Variants in FANCC observed in about 807,000 individuals in gnomAD.
FANCC encodes Fanconi anemia group C protein.
Under a neutral mutation model 71.3 loss-of-function variants are expected in FANCC, and 55 were observed. The observed-to-expected ratio is 0.77, with a 90% CI of 0.62 to 0.97. FANCC has a LOEUF of 0.97. Among genes scored for constraint, FANCC ranks in the 50% least tolerant of loss-of-function variants. FANCC has a pLI of 0.00. For synonymous variants in FANCC, 275 were observed against 244.9 expected (o/e 1.12, Z -1.15); for missense variants, 678 against 670.9 (o/e 1.01, Z -0.12).
intron 6 of FANCC, among the ~76,000 whole-genome samples, chr9:95,150,325 T>A (rs1242625140): frequency 1.3e-5 from 2 of 152,218 alleles, no homozygotes; most frequent in African/African-American, 4.8e-5. Context: ...TTCTTTATAT[T>A]CACAGGCACT....
At chr9:95,262,773 T>C (rs1832133387) in intron 1 of FANCC, among the ~76,000 whole-genome samples, 1 of 152,186 alleles carries the variant, frequency 6.6e-6, no homozygotes, top group African/African-American at 2.4e-5. Flanking sequence ...CACTGGAATA[T>C]CATTCAGCCT....
In FANCC at chr9:95,236,452, G is replaced by T. The variant is rs570130640; in HGVS notation, c.345+4197C>A. Among the ~76,000 whole-genome samples, 7 of 152,338 alleles carry T rather than the reference G, an allele frequency of 4.6e-5. No homozygotes were observed. The South Asian group carries it at 1.4e-3, about 32-fold the overall frequency. On this transcript the variant is annotated intron_variant, in intron 4 of 14. Transcript: ENST00000289081. ...AGTCCCGGAACTTCGTCTCTGAACTGTAAGAAGAGCTGTTGAGGTGGTGCT... is the reference window on the plus strand; with the variant it reads ...AGTCCCGGAACTTCGTCTCTGAACTTTAAGAAGAGCTGTTGAGGTGGTGCT...
At chr9:95,294,114 T>A in intron 1 of FANCC, 2 of 1,610,228 alleles carry the variant, frequency 1.2e-6, no homozygotes, top group Non-Finnish European at 1.7e-6. Context: ...ATTTATTAAG[T>A]GATTTGGAAA....
Position 95,309,981 on chromosome 9 carries a change from G to C in FANCC, c.-79+7545C>G, listed in dbSNP as rs532539123. 1.4e-4 allele frequency among the ~76,000 whole-genome samples: 22 copies of C among 152,322 alleles called. 1 individual carries two copies. In the East Asian group the frequency reaches 2.7e-3, roughly 19 times the overall value. ...TAGAACAATCACAATGTCCTACCTA[G>C]CTGCAAGTGAACTGGGAAATGTGAG... On this transcript the variant is annotated intron_variant, in intron 1 of 14. Transcript: ENST00000289081.
At position 95,149,788 on chromosome 9, in the gene FANCC, A is replaced by C. The variant is rs530439883; in HGVS notation, c.686+135T>G. On this transcript the variant is annotated intron_variant, in intron 7 of 14. Coordinates refer to ENST00000289081, the MANE Select transcript of FANCC (RefSeq NM_000136.3). ...GCCACCACACCTGGCCGGGATACTC[A>C]GTAATTTTTAAGAGTATAAAGGGTA... 2.4e-3 allele frequency: 2,498 copies of C among 1,030,744 alleles called. 12 individuals are homozygous for C. The highest frequency in any genetic ancestry group is 1.7e-3 in the Non-Finnish European group (1,184 of 679,984). The allele number at this position is 1,030,744 out of a possible 1,614,324, so 63.8% of individuals were successfully genotyped here. A position where few individuals can be genotyped will look rare whatever the true frequency, so the allele number is the denominator to read the frequency against.
intron 2 of FANCC, 126 bp downstream of exon 2, chr9:95,249,001 T>C: frequency 1.1e-6 from 1 of 921,306 alleles, no homozygotes; most frequent in Non-Finnish European, 1.7e-6. Context: ...GTAATTTGTC[T>C]TCCTAATCCA....
intron 4 of FANCC, among the ~76,000 whole-genome samples, chr9:95,182,874 T>C (rs1396639423): frequency 2.0e-5 from 3 of 152,000 alleles, no homozygotes; most frequent in African/African-American, 7.3e-5. Flanking sequence ...GCATGTGTGA[T>C]GTCGCTGGGA....
chr9:95,195,248 T>C (rs1445622606), intron 4 of FANCC, among the ~76,000 whole-genome samples: 1 of 139,014 alleles, frequency 7.2e-6, no homozygotes, highest in African/African-American at 2.9e-5. Context: ...CCAGAGCCTT[T>C]TTTTTTTTTT....
At chr9:95,256,693 A>G (rs1831678428) in intron 1 of FANCC, among the ~76,000 whole-genome samples, 1 of 152,186 alleles carries the variant, frequency 6.6e-6, no homozygotes, top group East Asian at 1.9e-4. Flanking sequence ...AAAAATATTA[A>G]CCGTAAATGT....
At chr9:95,293,377 T>C in intron 1 of FANCC, 16 of 1,589,322 alleles carry the variant, frequency 1.0e-5, no homozygotes, top group Middle Eastern at 1.9e-4. Context: ...TGCCTGCCCT[T>C]GTCAGTAGGA....
At chr9:95,211,614 C>G (rs1325578909) in intron 4 of FANCC, among the ~76,000 whole-genome samples, 1 of 152,108 alleles carries the variant, frequency 6.6e-6, no homozygotes, top group African/African-American at 2.4e-5. Flanking sequence ...TAAAACAACA[C>G]TCTCTCTAAA....
chr9:95,115,439 G>T lies in FANCC; in HGVS notation c.1073-729C>A, dbSNP rs1588063750. ...GCCAATAAGGAATTAGGAATAGACT[G>T]CCTGACTGCTTTCCTAGGGCTGTGA... is the stretch of plus-strand genomic sequence containing the variant. On this transcript the variant is annotated intron_variant, in intron 11 of 14. Transcript: ENST00000289081. Among the ~76,000 whole-genome samples, 3 of 152,180 alleles carry T rather than the reference G, an allele frequency of 2.0e-5. No individual in the cohort carries two copies. The South Asian group carries it at 6.2e-4, about 32-fold the overall frequency.
At position 95,292,747 on chromosome 9, in the gene FANCC, GC is replaced by G. The variant is rs1352374723; in HGVS notation, c.-79+24778del. On this transcript the variant is annotated intron_variant, in intron 1 of 14. Transcript: ENST00000289081. ...TTCTACTGTTGTCCAATCGAAGGCT[GC>G]CCCAGAGGCCCTGACAGACCATTTT... 6 of 1,377,756 alleles carry G rather than the reference GC, an allele frequency of 4.4e-6. No individual in the cohort carries two copies. The African/African-American group carries it at 7.1e-5, about 16-fold the overall frequency. The allele number at this position is 1,377,756 out of a possible 1,614,324, so 85.3% of individuals were successfully genotyped here. A position where few individuals can be genotyped will look rare whatever the true frequency, so the allele number is the denominator to read the frequency against.
chr9:95,158,509 C>T (rs1013777476), intron 6 of FANCC, among the ~76,000 whole-genome samples: 2 of 152,096 alleles, frequency 1.3e-5, no homozygotes, highest in African/African-American at 4.8e-5. Context: ...TAATAGATCA[C>T]TATGGGTAGC....
In FANCC at chr9:95,111,630, C is replaced by A. The variant is rs371897078; in HGVS notation, c.1162G>T (p.Gly388Ter). The change falls in exon 13 of 15, where the codon GGA becomes TGA. Residue 388 changes from glycine to a stop codon, truncating the protein, a stop_gained. Coordinates refer to ENST00000289081, the MANE Select transcript of FANCC (RefSeq NM_000136.3). LOFTEE classifies it high-confidence loss of function. Reference sequence around the variant, plus strand: ...AGGAACCAGCTCTCAAAGGGACCTCCGCAGGACCTGGAACAGAGGCAGAAC... The same window carrying A: ...AGGAACCAGCTCTCAAAGGGACCTCAGCAGGACCTGGAACAGAGGCAGAAC... The part of the protein sequence containing the change: ...AVEDQTHGSC[G>*]GPFESWFLFI... The A allele has an allele frequency of 2.4e-5, 39 of 1,614,018 alleles. No individual in the cohort carries two copies. Among genetic ancestry groups the A allele is most frequent in the Non-Finnish European group, 3.1e-5 (36 of 1,180,054 alleles).
chr9:95,276,410 T>C (rs972600266), intron 1 of FANCC, among the ~76,000 whole-genome samples: 3 of 152,238 alleles, frequency 2.0e-5, no homozygotes, highest in Non-Finnish European at 1.5e-5. Flanking sequence ...AATCCTTTTC[T>C]GGTCACAGGG....
intron 1 of FANCC, among the ~76,000 whole-genome samples, chr9:95,311,547 TTTTA>T (rs142618046): frequency 0.01 from 1,573 of 152,252 alleles, 28 homozygotes; most frequent in African/African-American, 0.037. Flanking sequence ...AGTCATAGCC[TTTTA>T]TTTATTTATT....
At chr9:95,164,888 A>G (rs1192076221) in intron 6 of FANCC, among the ~76,000 whole-genome samples, 1 of 152,112 alleles carries the variant, frequency 6.6e-6, no homozygotes, top group East Asian at 1.9e-4. Flanking sequence ...GTCTGATAGA[A>G]TTCTCCAGTG....
intron 14 of FANCC, among the ~76,000 whole-genome samples, chr9:95,103,105 C>T (rs2071186588): frequency 6.6e-6 from 1 of 152,156 alleles, no homozygotes; most frequent in African/African-American, 2.4e-5. Context: ...CTGTGGACCC[C>T]TTTCAGTTAA....
Sources: allele counts gnomAD v4.1 joint callset (sites outside exome capture counted in the v4.1 genomes callset), GRCh38; gene constraint gnomAD v4.1.1; transcripts MANE v1.5; gene names NCBI Gene and HGNC (gene_info 2026-07-23, HGNC 2026-07-21).